GOLGA2: variants seen among roughly 807,000 people sequenced by gnomAD.
GOLGA2 encodes golgin subfamily A member 2.
GOLGA2 carries 49 observed loss-of-function variants against 148.8 expected under a neutral mutation model. That is an observed-to-expected ratio of 0.33 (90% CI 0.26 to 0.42). GOLGA2 has a LOEUF of 0.42. GOLGA2 is among the 10% of genes least tolerant of loss of function. GOLGA2 has a pLI of 1.00. For synonymous variants in GOLGA2, 501 were observed against 511.8 expected (o/e 0.98, Z 0.28); for missense variants, 1,178 against 1,304.6 (o/e 0.90, Z 1.49).
At chr9:128,262,429 T>C (rs1830328786) in intron 14 of GOLGA2, 134 bp downstream of exon 14, 2 of 708,576 alleles carry the variant, frequency 2.8e-6, no homozygotes, top group African/African-American at 1.8e-5. Flanking sequence ...CTCTAGAGGA[T>C]TTTATGCCAG....
rs929092003 is a variant in GOLGA2 at position 128,257,874 on chromosome 9, T to C, written c.2527A>G (p.Met843Val). 3.1e-6 allele frequency: 5 copies of C among 1,614,018 alleles called. No homozygotes were observed. Among genetic ancestry groups the C allele is most frequent in the Non-Finnish European group, 4.2e-6 (5 of 1,179,984 alleles). The change falls in exon 24 of 27, where the codon ATG becomes GTG. Residue 843 changes from methionine (M) to valine (V), a missense_variant. Met to Val is a conservative substitution (Grantham distance 21). Transcript: ENST00000611957. The surrounding 1 kb of genome is among the most constrained non-coding windows in gnomAD (Gnocchi z 8.0). ...TCCTTCAGGTCTGCCTTCTCCTGCA[T>C]GAGCTCCATAAAGCGGCTCTGGAAC... ...EKLQSRFMELMQEKADLKERV... is the reference protein window; with the variant it reads ...EKLQSRFMELVQEKADLKERV...
intron 13 of GOLGA2, 97 bp downstream of exon 13, chr9:128,262,937 T>A: frequency 1.1e-6 from 1 of 904,838 alleles, no homozygotes; most frequent in Non-Finnish European, 1.8e-6. Context: ...CACACCTCTA[T>A]GACTACCTCA....
At chr9:128,264,295 C>T (rs966126205) in intron 12 of GOLGA2, among the ~76,000 whole-genome samples, 1 of 151,402 alleles carries the variant, frequency 6.6e-6, no homozygotes, top group African/African-American at 2.4e-5. Flanking sequence ...AGTGCAGTGG[C>T]GCCATCTTGG....
intron 1 of GOLGA2, among the ~76,000 whole-genome samples, chr9:128,274,763 T>G (rs183551571): frequency 6.6e-6 from 1 of 152,362 alleles, no homozygotes; most frequent in African/African-American, 2.4e-5. Context: ...TTTATGTGAC[T>G]GTCATCCCTA....
intron 11 of GOLGA2, 24 bp from the exon 12 acceptor site, chr9:128,265,715 G>A (rs749599712): frequency 1.2e-6 from 2 of 1,611,644 alleles, no homozygotes; most frequent in Non-Finnish European, 8.5e-7. Flanking sequence ...GGTTGAGATG[G>A]GGCCCAAAGG....
Position 128,265,983 on chromosome 9 carries a change from C to T in GOLGA2, c.719G>A (p.Arg240Lys), listed in dbSNP as rs778409075. The T allele has an allele frequency of 6.2e-7, 1 of 1,613,582 alleles. No homozygotes were observed. The highest frequency in any genetic ancestry group is 8.5e-7 in the Non-Finnish European group (1 of 1,179,460). ...CCCTCCACTCACCTGTAACTGCTCC[C>T]TTAGGGCTCCCTGCTTTTGGTGGCA... The part of the protein sequence containing the change: ...KECHQKQGAL[R>K]EQLQVHIQTI... Residue 240 changes from arginine (R) to lysine (K), a missense_variant, in exon 10 of 27, where the codon AGG becomes AAG. Transcript: ENST00000611957.
Position 128,260,796 on chromosome 9 carries a change from G to A in GOLGA2, c.1427C>T (p.Pro476Leu), listed in dbSNP as rs772592302. Residue 476 changes from proline to leucine, a missense_variant, in exon 18 of 27, where the codon CCC becomes CTC. Pro to Leu is a moderately conservative substitution (Grantham distance 98, BLOSUM62 -3). Coordinates refer to ENST00000611957, the MANE Select transcript of GOLGA2 (RefSeq NM_001366244.2). This position sits in a 1 kb window ranked among gnomAD's most constrained non-coding sequence, Gnocchi z 4.8. ...CCCTGCTGGGGGCTCTGGGGGCGGG[G>A]GTTCAGCTGAGAAAGGACGCAGACA... is the stretch of plus-strand genomic sequence containing the variant. ...LAELRNQMAEPPPPEPPAGPS... is the reference protein window; with the variant it reads ...LAELRNQMAELPPPEPPAGPS... The A allele has an allele frequency of 3.1e-6, 5 of 1,601,056 alleles. No homozygotes were observed. The African/African-American group carries it at 6.7e-5, about 21-fold the overall frequency.
chr9:128,257,010 G>A lies in GOLGA2; in HGVS notation c.*57C>T. The A allele has an allele frequency of 7.8e-7, 1 of 1,279,454 alleles. No individual in the cohort carries two copies. Among genetic ancestry groups the A allele is most frequent in the Non-Finnish European group, 1.1e-6 (1 of 889,552 alleles). 79.3% of individuals were successfully genotyped at this position (1,279,454 alleles called of 1,614,324 possible). A position where few individuals can be genotyped will look rare whatever the true frequency, so the allele number is the denominator to read the frequency against. On this transcript the variant is annotated 3_prime_UTR_variant, in exon 27 of 27. Coordinates refer to ENST00000611957, the MANE Select transcript of GOLGA2 (RefSeq NM_001366244.2). This position sits in a 1 kb window ranked among gnomAD's most constrained non-coding sequence, Gnocchi z 8.0. The stretch of plus-strand genomic sequence containing the variant: ...GACTGAGAAGGGATGGTAGGGATAT[G>A]GTGGGGGCAGGGTATCCAGCCCCAC...
At chr9:128,273,282 T>C (rs28570659) in intron 2 of GOLGA2, among the ~76,000 whole-genome samples, 136 of 152,348 alleles carry the variant, frequency 8.9e-4, no homozygotes, top group African/African-American at 3.1e-3. Flanking sequence ...TGAAAGACAC[T>C]GATCATATCC....
chr9:128,259,139 G>A (rs1830093751), intron 20 of GOLGA2, 28 bp downstream of exon 20: 1 of 1,601,374 alleles, frequency 6.2e-7, no homozygotes, highest in Admixed American at 1.7e-5. Context: ...TGTCCCCCTC[G>A]GGGCCCTGCC....
rs754401251 is a variant in GOLGA2 at position 128,268,070 on chromosome 9, C to T, written c.437+47G>A. On this transcript the variant is annotated intron_variant, in intron 5 of 26. Coordinates refer to ENST00000611957, the MANE Select transcript of GOLGA2 (RefSeq NM_001366244.2). ...AAGAAGGTCATGGGCAGTGGCCTCC[C>T]TGACTCTCTCAGCCTAGAGACTGCT... The T allele has an allele frequency of 5.6e-6, 9 of 1,598,832 alleles. No homozygotes were observed. The Admixed American group carries it at 1.3e-4, about 24-fold the overall frequency.
chr9:128,263,096 TA>T lies in GOLGA2; in HGVS notation c.934-5del. The stretch of plus-strand genomic sequence containing the variant: ...CTTTGGTTAACTCCTTGTTGTACTG[TA>T]AATACAGAAAGGTTAAGTCAGGATA... On this transcript the variant is annotated splice_region_variant and splice_polypyrimidine_tract_variant and intron_variant, in intron 12 of 26. Transcript: ENST00000611957. The T allele has an allele frequency of 6.2e-7, 1 of 1,600,854 alleles. No individual in the cohort carries two copies. The highest frequency in any genetic ancestry group is 8.6e-7 in the Non-Finnish European group (1 of 1,168,260).
Position 128,260,368 on chromosome 9 carries a change from T to C in GOLGA2, c.1758+97A>G, listed in dbSNP as rs1830180717. On this transcript the variant is annotated intron_variant, in intron 18 of 26. Transcript: ENST00000611957. The surrounding 1 kb of genome is among the most constrained non-coding windows in gnomAD (Gnocchi z 4.8). ...CTCACAGATGCCTCCAGAAGTACCA[T>C]TTCAAGTGAGGGCTACACTGCCCCA... The C allele has an allele frequency of 4.3e-6, 5 of 1,160,166 alleles. No homozygotes were observed. The highest frequency in any genetic ancestry group is 6.4e-6 in the Non-Finnish European group (5 of 787,154). The allele number at this position is 1,160,166 out of a possible 1,614,324, so 71.9% of individuals were successfully genotyped here.
chr9:128,265,788 CTTCT>C lies in GOLGA2; in HGVS notation c.822_825del (p.Gly276SerfsTer40). 1 of 1,613,692 alleles carries C rather than the reference CTTCT, an allele frequency of 6.2e-7. No homozygotes were observed. Among genetic ancestry groups the C allele is most frequent in the Non-Finnish European group, 8.5e-7 (1 of 1,179,548 alleles). On this transcript the variant is annotated frameshift_variant and splice_region_variant, in exon 11 of 27. Transcript: ENST00000611957. LOFTEE classifies it high-confidence loss of function. ...GATGATGGGGTGCCCAGATTCCCAC[CTTCT>C]TTCTGCCTGGCAGCATGCTGAGTGT...
rs1830228843 is a variant in GOLGA2, at chr9:128,260,850, C to T, written c.1421-48G>A. ...AAAGCCTCTGGATTCTCAAAAAAAC[C>T]CTCCTCTTGGTCCATACCTCCTCTC... On this transcript the variant is annotated intron_variant, in intron 17 of 26. Transcript: ENST00000611957. This position sits in a 1 kb window ranked among gnomAD's most constrained non-coding sequence, Gnocchi z 4.8. 1 of 1,349,342 alleles carries T rather than the reference C, an allele frequency of 7.4e-7. No individual in the cohort carries two copies. Among genetic ancestry groups the T allele is most frequent in the South Asian group, 1.3e-5 (1 of 75,176 alleles). The allele number at this position is 1,349,342 out of a possible 1,614,324, so 83.6% of individuals were successfully genotyped here.
At chr9:128,264,952 T>C (rs1169391078) in intron 12 of GOLGA2, among the ~76,000 whole-genome samples, 1 of 152,188 alleles carries the variant, frequency 6.6e-6, no homozygotes, top group Non-Finnish European at 1.5e-5. Context: ...AGTGCTTGCC[T>C]AAGATCACTT....
chr9:128,262,498 T>C, intron 14 of GOLGA2, 65 bp downstream of exon 14: 2 of 1,509,372 alleles, frequency 1.3e-6, no homozygotes, highest in Admixed American at 1.9e-5. Flanking sequence ...ATGCCCTGCA[T>C]GATCCCTAGA....
At chr9:128,275,188 C>A (rs752813003) in intron 1 of GOLGA2, among the ~76,000 whole-genome samples, 25 of 152,156 alleles carry the variant, frequency 1.6e-4, no homozygotes, top group Non-Finnish European at 3.2e-4. Flanking sequence ...CAGCCTGAAA[C>A]CTCTCCCTCC....
rs1412432244 is a variant in GOLGA2, at chr9:128,260,023, T to TC, written c.1872+52dup. On this transcript the variant is annotated intron_variant, in intron 19 of 26. Coordinates refer to ENST00000611957, the MANE Select transcript of GOLGA2 (RefSeq NM_001366244.2). This position sits in a 1 kb window ranked among gnomAD's most constrained non-coding sequence, Gnocchi z 4.8. The stretch of plus-strand genomic sequence containing the variant: ...GCTGCCTCTGGCCTCACACCACCCC[T>TC]CCCCAGAGGCTGGTGCCCGCCTCCC... The TC allele has an allele frequency of 7.8e-7, 1 of 1,286,184 alleles. No homozygotes were observed. The highest frequency in any genetic ancestry group is 1.1e-6 in the Non-Finnish European group (1 of 891,712). The allele number at this position is 1,286,184 out of a possible 1,614,324, so 79.7% of individuals were successfully genotyped here.
Sources: gnomAD v4.1 joint callset for allele counts (sites outside exome capture counted in the v4.1 genomes callset) on GRCh38, gnomAD v4.1.1 for gene constraint, Gnocchi (gnomAD v3.1) non-coding constraint, MANE v1.5 for transcripts, NCBI Gene and HGNC (gene_info 2026-07-23, HGNC 2026-07-21) for gene names.